Variants in EDIL3 observed in about 807,000 individuals in gnomAD.
The protein encoded by EDIL3 is EGF-like repeat and discoidin I-like domain-containing protein 3.
Under a neutral mutation model 67.4 loss-of-function variants are expected in EDIL3, and 37 were observed. That is an observed-to-expected ratio of 0.55 (90% CI 0.42 to 0.72). The LOEUF (loss-of-function observed/expected upper bound fraction) is 0.72, where lower values mean the gene tolerates loss of function less well. Ranked by LOEUF, EDIL3 falls within the 30% of genes least tolerant of loss-of-function variation. The probability of loss-of-function intolerance (pLI) is 0.00; values close to 1 mark genes in which losing one functional copy is unlikely to be tolerated. For synonymous variants in EDIL3, 195 were observed against 196.3 expected (o/e 0.99, Z 0.05); for missense variants, 527 against 586.3 (o/e 0.90, Z 1.04).
intron 9 of EDIL3, among the ~76,000 whole-genome samples, chr5:83,992,316 A>G (rs1745164388): frequency 1.3e-5 from 2 of 152,210 alleles, no homozygotes; most frequent in East Asian, 1.9e-4. Flanking sequence ...TCTATGTTCA[A>G]TCCACAGACA....
At chr5:83,945,043 C>T (rs886364578) in intron 10 of EDIL3, among the ~76,000 whole-genome samples, 1 of 151,958 alleles carries the variant, frequency 6.6e-6, no homozygotes, top group Non-Finnish European at 1.5e-5. Flanking sequence ...AAATCATATT[C>T]TCCTCAAAAG....
At chr5:84,208,688 A>C (rs1381261920) in intron 3 of EDIL3, among the ~76,000 whole-genome samples, 1 of 32,194 alleles carries the variant, frequency 3.1e-5, no homozygotes, top group Non-Finnish European at 6.9e-5. Flanking sequence ...TCCGTCTCAA[A>C]AAAAAAAAAA....
intron 2 of EDIL3, among the ~76,000 whole-genome samples, chr5:84,242,285 A>G (rs1183413727): frequency 6.6e-6 from 1 of 152,048 alleles, no homozygotes; most frequent in African/African-American, 2.4e-5. Context: ...TGTTAACCCC[A>G]GTTTTACAGA....
chr5:84,299,023 A>G (rs16901044), intron 1 of EDIL3, among the ~76,000 whole-genome samples: 2,155 of 152,310 alleles, frequency 0.014, 54 homozygotes, highest in African/African-American at 0.05. Context: ...GAAGGGAGCC[A>G]TAACCCGCAG....
chr5:84,232,739 T>A (rs3776888), intron 2 of EDIL3, among the ~76,000 whole-genome samples: 2 of 152,032 alleles, frequency 1.3e-5, no homozygotes. Flanking sequence ...CTATTCACAC[T>A]CATGAAGGCA....
rs527990724 is a variant in EDIL3 at position 84,051,116 on chromosome 5, C to T, written c.1137+9184G>A. ...GCTGGGTACCCCTCTGAGACAAAAC[C>T]TCCAGAGGAACGATCAGACAGCAAC... On this transcript the variant is annotated intron_variant, in intron 9 of 10. Transcript: ENST00000296591. Among the ~76,000 whole-genome samples the T allele has an allele frequency of 8.5e-5, 13 of 152,278 alleles. No individual in the cohort carries two copies. In the South Asian group the frequency reaches 2.5e-3, roughly 29 times the overall value.
At chr5:84,288,111 C>G (rs186252231) in intron 1 of EDIL3, among the ~76,000 whole-genome samples, 45 of 152,270 alleles carry the variant, frequency 3.0e-4, no homozygotes, top group African/African-American at 9.9e-4. Context: ...CTACTTTTCC[C>G]GTTGTCTTTC....
At chr5:84,092,336 AT>A (rs1198068739) in intron 6 of EDIL3, among the ~76,000 whole-genome samples, 1 of 152,248 alleles carries the variant, frequency 6.6e-6, no homozygotes, top group Non-Finnish European at 1.5e-5. Flanking sequence ...ACAAGAAGGC[AT>A]TTAAAATCTC....
intron 10 of EDIL3, among the ~76,000 whole-genome samples, chr5:83,958,393 T>C (rs1227505172): frequency 6.6e-6 from 1 of 151,590 alleles, no homozygotes; most frequent in Non-Finnish European, 1.5e-5. Context: ...TATTGCAGTT[T>C]ATTTCTTGAT....
At chr5:84,116,659 C>G (rs922410091) in intron 5 of EDIL3, among the ~76,000 whole-genome samples, 1 of 152,088 alleles carries the variant, frequency 6.6e-6, no homozygotes, top group Non-Finnish European at 1.5e-5. Flanking sequence ...AAAATTGCCA[C>G]AAATGTTTTA....
intron 9 of EDIL3, among the ~76,000 whole-genome samples, chr5:84,031,446 T>C (rs1580289039): frequency 6.6e-6 from 1 of 152,318 alleles, no homozygotes; most frequent in Admixed American, 6.5e-5. Flanking sequence ...TTTGTGGCTG[T>C]GACTTAGTTG....
chr5:84,326,214 T>C (rs189719971), intron 1 of EDIL3, among the ~76,000 whole-genome samples: 9 of 152,174 alleles, frequency 5.9e-5, no homozygotes, highest in South Asian at 2.1e-4. Flanking sequence ...CCTCTCAACC[T>C]TGGGCTTCCT....
At chr5:84,380,374 G>A (rs1748050659) in intron 1 of EDIL3, among the ~76,000 whole-genome samples, 1 of 151,866 alleles carries the variant, frequency 6.6e-6, no homozygotes, top group South Asian at 2.1e-4. Context: ...AACCTACTTA[G>A]CAAATAAAAA....
At chr5:83,997,482 A>T (rs1745255658) in intron 9 of EDIL3, among the ~76,000 whole-genome samples, 2 of 152,188 alleles carry the variant, frequency 1.3e-5, no homozygotes, top group Non-Finnish European at 2.9e-5. Flanking sequence ...TGGTTTAGGC[A>T]TGAAAGTAGT....
chr5:84,164,751 A>G (rs1407695026), intron 4 of EDIL3, among the ~76,000 whole-genome samples: 1 of 152,148 alleles, frequency 6.6e-6, no homozygotes, highest in Non-Finnish European at 1.5e-5. Context: ...ATCATAGATG[A>G]CTCAGGCAGA....
intron 10 of EDIL3, among the ~76,000 whole-genome samples, chr5:83,951,114 T>A (rs1744413201): frequency 6.6e-6 from 1 of 151,780 alleles, no homozygotes; most frequent in Admixed American, 6.6e-5. Context: ...AAAATCTAAT[T>A]ATAGAACATT....
intron 1 of EDIL3, among the ~76,000 whole-genome samples, chr5:84,346,642 T>C (rs1408683979): frequency 2.0e-5 from 3 of 152,208 alleles, no homozygotes; most frequent in African/African-American, 7.2e-5. Context: ...TTTCAACTTT[T>C]ATCCATTTTA....
intron 1 of EDIL3, among the ~76,000 whole-genome samples, chr5:84,268,533 CTTTA>C (rs1745396102): frequency 6.6e-6 from 1 of 152,142 alleles, no homozygotes; most frequent in African/African-American, 2.4e-5. Context: ...TTCAGCTAAC[CTTTA>C]TTTGACATTG....
At chr5:84,179,535 C>T (rs73769767) in intron 4 of EDIL3, among the ~76,000 whole-genome samples, 10,363 of 152,228 alleles carry the variant, frequency 0.068, 1,167 homozygotes, top group African/African-American at 0.23. Context: ...TGCTTGGATA[C>T]AGCTCTCGCT....
Sources: gnomAD v4.1 joint callset for allele counts (sites outside exome capture counted in the v4.1 genomes callset) on GRCh38, gnomAD v4.1.1 for gene constraint, MANE v1.5 for transcripts, NCBI Gene and HGNC (gene_info 2026-07-23, HGNC 2026-07-21) for gene names.